The following ECE1 variants were observed in gnomAD, a reference collection of about 807,000 sequenced individuals.
The protein encoded by ECE1 is endothelin converting enzyme 1.
ECE1 carries 35 observed loss-of-function variants against 98.6 expected under a neutral mutation model. The ratio of observed to expected loss-of-function variants is 0.35; its 90% CI spans 0.27 to 0.47. The LOEUF is 0.47. ECE1 is among the 20% of genes least tolerant of loss of function. The probability of loss-of-function intolerance (pLI) is 1.00; values close to 1 mark genes in which losing one functional copy is unlikely to be tolerated. For missense variants in ECE1, 814 were observed against 1,025.3 expected (o/e 0.79, Z 2.81); for synonymous variants, 394 against 407.1 (o/e 0.97, Z 0.39).
intron 1 of ECE1, among the ~76,000 whole-genome samples, chr1:21,341,399 C>A (rs970290940): frequency 2.6e-4 from 40 of 152,196 alleles, no homozygotes; most frequent in African/African-American, 9.2e-4. Context: ...AAAAATTGAG[C>A]AGAAGCACAA....
In ECE1 at chr1:21,235,850, G is replaced by C; in HGVS notation, c.1566C>G (p.Asp522Glu). 1 of 1,614,132 alleles carries C rather than the reference G, an allele frequency of 6.2e-7. No individual in the cohort carries two copies. Among genetic ancestry groups the C allele is most frequent in the Non-Finnish European group, 8.5e-7 (1 of 1,179,974 alleles). ...DPKELDKVFN[D>E]YTAVPDLYFE... ...AGGGGGCAGGGCAGCAGCTACTCACGTCATTAAACACTTTGTCCAGCTCCT... is the reference window on the plus strand; with the variant it reads ...AGGGGGCAGGGCAGCAGCTACTCACCTCATTAAACACTTTGTCCAGCTCCT... Residue 522 changes from aspartate to glutamate, a missense_variant and splice_region_variant, in exon 13 of 19, where the codon GAC (aspartate) becomes GAG (glutamate). Asp to Glu is a conservative substitution (Grantham distance 45). Coordinates refer to ENST00000374893, the MANE Select transcript of ECE1 (RefSeq NM_001397.3). This position sits in a 1 kb window ranked among gnomAD's most constrained non-coding sequence, Gnocchi z 4.2.
intron 8 of ECE1, among the ~76,000 whole-genome samples, chr1:21,250,985 C>T (rs2744334): frequency 0.03 from 4,546 of 151,248 alleles, 235 homozygotes; most frequent in African/African-American, 0.1. Context: ...CCAGCCTGGG[C>T]GACAGAGCGA....
At chr1:21,265,213 C>G (rs151152334) in intron 4 of ECE1, among the ~76,000 whole-genome samples, 2 of 152,154 alleles carry the variant, frequency 1.3e-5, no homozygotes, top group East Asian at 3.8e-4. Flanking sequence ...GACAGAGAAA[C>G]GTAGCACTCT....
intron 17 of ECE1, 172 bp from the exon 18 acceptor site, chr1:21,222,014 C>T (rs2098168067): frequency 2.9e-6 from 2 of 684,386 alleles, no homozygotes. Flanking sequence ...CTCGTTTAGC[C>T]CTATGGCTTA....
Position 21,235,735 on chromosome 1 carries a change from C to G in ECE1, c.1566+115G>C. ...ACCCAAGCCCCACACCACATCATCC[C>G]TGTGTGTTTTGACAACCATGCTGCC... On this transcript the variant is annotated intron_variant, in intron 13 of 18. Coordinates refer to ENST00000374893, the MANE Select transcript of ECE1 (RefSeq NM_001397.3). This position sits in a 1 kb window ranked among gnomAD's most constrained non-coding sequence, Gnocchi z 4.2. 1 of 1,078,722 alleles carries G rather than the reference C, an allele frequency of 9.3e-7. No individual in the cohort carries two copies. Among genetic ancestry groups the G allele is most frequent in the South Asian group, 1.3e-5 (1 of 79,950 alleles). The allele number at this position is 1,078,722 out of a possible 1,614,324, so 66.8% of individuals were successfully genotyped here.
At chr1:21,247,407 C>A in intron 8 of ECE1, 44 bp from the exon 9 acceptor site, 2 of 1,614,016 alleles carry the variant, frequency 1.2e-6, no homozygotes, top group Non-Finnish European at 1.7e-6. Context: ...GCTGCTCCTC[C>A]TCACAGCCCA....
chr1:21,287,972 AAC>A (rs1427687354), intron 2 of ECE1, among the ~76,000 whole-genome samples: 2 of 146,012 alleles, frequency 1.4e-5, no homozygotes, highest in African/African-American at 5.5e-5. Context: ...AAAAAAAAAA[AAC>A]AATGATTGAA....
At chr1:21,335,260 G>GC (rs1477827805) in intron 1 of ECE1, among the ~76,000 whole-genome samples, 2 of 151,780 alleles carry the variant, frequency 1.3e-5, no homozygotes, top group Non-Finnish European at 2.9e-5. Context: ...CTCTAGAGCG[G>GC]CCCCCTCCCC....
At chr1:21,342,647 C>T (rs543382348) in intron 1 of ECE1, among the ~76,000 whole-genome samples, 1 of 150,808 alleles carries the variant, frequency 6.6e-6, no homozygotes, top group Non-Finnish European at 1.5e-5. Flanking sequence ...CACACACACA[C>T]GCCCTGCAAA....
At position 21,303,952 on chromosome 1, in the gene ECE1, A is replaced by G. The variant is rs1413264140; in HGVS notation, c.4-13796T>C. Among the ~76,000 whole-genome samples, 20 of 151,998 alleles carry G rather than the reference A, an allele frequency of 1.3e-4. No individual in the cohort carries two copies. The East Asian group carries it at 3.9e-3, about 30-fold the overall frequency. ...AGGCATGAGTCACCGTGCCTGGCTT[A>G]GAAAAGTTTTTGAAATGTAACACTT... is the stretch of plus-strand genomic sequence containing the variant. On this transcript the variant is annotated intron_variant, in intron 1 of 18. Coordinates refer to the ECE1 transcript ENST00000415912.
At chr1:21,242,518 G>A (rs905857795) in intron 10 of ECE1, among the ~76,000 whole-genome samples, 5 of 152,220 alleles carry the variant, frequency 3.3e-5, no homozygotes, top group Non-Finnish European at 7.3e-5. Flanking sequence ...CAAGGAGGAG[G>A]GACCTGGCCT....
At chr1:21,288,153 T>G (rs2098262663) in intron 2 of ECE1, among the ~76,000 whole-genome samples, 1 of 152,230 alleles carries the variant, frequency 6.6e-6, no homozygotes, top group South Asian at 2.1e-4. Context: ...ATAACCTCTT[T>G]GCCTTTTCCT....
At chr1:21,333,742 G>A (rs1017733112) in intron 1 of ECE1, among the ~76,000 whole-genome samples, 3 of 152,256 alleles carry the variant, frequency 2.0e-5, no homozygotes, top group East Asian at 1.9e-4. Flanking sequence ...GCTGAGGCAG[G>A]AGAATTGCTT....
At chr1:21,288,458 G>A (rs531414201) in intron 2 of ECE1, among the ~76,000 whole-genome samples, 3 of 152,212 alleles carry the variant, frequency 2.0e-5, no homozygotes, top group Admixed American at 6.5e-5. Context: ...ACTCAAACCC[G>A]GGTCGCTGGC....
chr1:21,271,891 T>C (rs1416163830), intron 4 of ECE1, among the ~76,000 whole-genome samples: 5 of 151,964 alleles, frequency 3.3e-5, no homozygotes, highest in Non-Finnish European at 5.9e-5. Context: ...CTACACTGAA[T>C]AACTAATCCT....
rs3026903 is a variant in ECE1, at chr1:21,227,230, G to T, written c.1782-4C>A. 52,434 of 1,613,586 alleles carry T rather than the reference G, an allele frequency of 0.032. 1,009 individuals carry two copies. The highest frequency in any genetic ancestry group is 0.036 in the Non-Finnish European group (42,031 of 1,179,506). ...TATGCCACCAAAGTTTAAGGCCCTG[G>T]AGGGAAAGACACAAAGGTAGAGATG... On this transcript the variant is annotated splice_polypyrimidine_tract_variant and splice_region_variant and intron_variant, in intron 15 of 18. Transcript: ENST00000374893.
At chr1:21,324,922 C>G (rs1480075261) in intron 1 of ECE1, among the ~76,000 whole-genome samples, 2 of 152,200 alleles carry the variant, frequency 1.3e-5, no homozygotes, top group Non-Finnish European at 2.9e-5. Flanking sequence ...TCACTGCCAC[C>G]TGGAGCCTGC....
In ECE1 at chr1:21,235,985, G is replaced by A; in HGVS notation, c.1489-58C>T. 6.5e-7 allele frequency: 1 copy of A among 1,530,566 alleles called. No individual in the cohort carries two copies. The highest frequency in any genetic ancestry group is 9.1e-7 in the Non-Finnish European group (1 of 1,103,852). The allele number at this position is 1,530,566 out of a possible 1,614,324, so 94.8% of individuals were successfully genotyped here. On this transcript the variant is annotated intron_variant, in intron 12 of 18. Transcript: ENST00000374893. This position sits in a 1 kb window ranked among gnomAD's most constrained non-coding sequence, Gnocchi z 4.2. ...GGCAACATCGACCAGGCCAGCCTGA[G>A]CAACTTGGGTGCTGGGCTCATAGTC...
chr1:21,239,121 C>T (rs2098192246), intron 10 of ECE1, among the ~76,000 whole-genome samples: 1 of 151,858 alleles, frequency 6.6e-6, no homozygotes, highest in Non-Finnish European at 1.5e-5. Context: ...GCGTGAGCCA[C>T]CACACCTGGC....
Sources: allele counts gnomAD v4.1 joint callset (sites outside exome capture counted in the v4.1 genomes callset), GRCh38; gene constraint gnomAD v4.1.1; non-coding constraint Gnocchi (gnomAD v3.1); transcripts MANE v1.5; gene names NCBI Gene and HGNC (gene_info 2026-07-23, HGNC 2026-07-21).